The following MYRIP variants were observed in gnomAD, a reference collection of about 807,000 sequenced individuals.
MYRIP encodes the protein rab effector MyRIP.
MYRIP carries 49 observed loss-of-function variants against 98.0 expected under a neutral mutation model. The observed-to-expected ratio is 0.50, with a 90% CI of 0.40 to 0.63. The LOEUF is 0.63. MYRIP is among the 30% of genes least tolerant of loss of function. The probability of loss-of-function intolerance (pLI) is 0.00; values close to 1 mark genes in which losing one functional copy is unlikely to be tolerated. For synonymous variants in MYRIP, 404 were observed against 409.5 expected, an observed-to-expected ratio of 0.99 and a Z score of 0.16; for missense variants, 1,004 against 1,058.2, an observed-to-expected ratio of 0.95 and a Z score of 0.71.
chr3:39,824,570 C>A (rs1316244869), intron 1 of MYRIP, among the ~76,000 whole-genome samples: 1 of 151,278 alleles, frequency 6.6e-6, no homozygotes, highest in African/African-American at 2.4e-5. Flanking sequence ...GGTTTTTCAC[C>A]TCCTTGGTTA....
chr3:39,988,556 TG>T (rs1946094192), intron 2 of MYRIP, among the ~76,000 whole-genome samples: 1 of 152,172 alleles, frequency 6.6e-6, no homozygotes, highest in Non-Finnish European at 1.5e-5. Flanking sequence ...AATGTTGCCC[TG>T]TCTTGCTAGG....
chr3:40,151,997 A>G (rs1950133645), intron 4 of MYRIP, among the ~76,000 whole-genome samples: 1 of 152,214 alleles, frequency 6.6e-6, no homozygotes, highest in South Asian at 2.1e-4. Context: ...ATCTAAAAAT[A>G]TGTCAGCCAC....
chr3:39,964,714 A>G (rs1945399780), intron 2 of MYRIP, among the ~76,000 whole-genome samples: 2 of 152,174 alleles, frequency 1.3e-5, no homozygotes, highest in Admixed American at 1.3e-4. Context: ...CAAAATTGTC[A>G]TGAACCTTTG....
At chr3:39,954,976 A>G (rs1331108691) in intron 2 of MYRIP, among the ~76,000 whole-genome samples, 2 of 152,170 alleles carry the variant, frequency 1.3e-5, no homozygotes, top group Non-Finnish European at 2.9e-5. Context: ...TTTAGAAAAA[A>G]AAAGAGAGAA....
At chr3:40,181,595 A>C (rs1175234973) in intron 8 of MYRIP, among the ~76,000 whole-genome samples, 1 of 152,186 alleles carries the variant, frequency 6.6e-6, no homozygotes, top group East Asian at 1.9e-4. Context: ...ATGGCAAAGA[A>C]AAACTTTAGT....
At chr3:40,010,644 T>C (rs547437822) in intron 2 of MYRIP, among the ~76,000 whole-genome samples, 40 of 152,306 alleles carry the variant, frequency 2.6e-4, no homozygotes, top group African/African-American at 9.4e-4. Flanking sequence ...CAGGTGCATT[T>C]AGAATGTTTC....
At chr3:40,136,411 T>G (rs1204284382) in intron 3 of MYRIP, among the ~76,000 whole-genome samples, 1 of 152,140 alleles carries the variant, frequency 6.6e-6, no homozygotes, top group Non-Finnish European at 1.5e-5. Flanking sequence ...ACAAAGAGAC[T>G]TAGACTCCCA....
In MYRIP at chr3:40,190,350, C is replaced by A; in HGVS notation, c.1552C>A (p.His518Asn). The A allele has an allele frequency of 6.8e-6, 11 of 1,613,964 alleles. No homozygotes were observed. The highest frequency in any genetic ancestry group is 9.3e-6 in the Non-Finnish European group (11 of 1,179,944). The change falls in exon 10 of 17, where the codon CAC becomes AAC. Residue 518 changes from histidine (H) to asparagine (N), a missense_variant. His to Asn is a moderately conservative substitution (Grantham distance 68). This residue lies in a region of MYRIP where 880 missense variants were observed against 907.7 expected (regional missense o/e 0.97). Coordinates refer to ENST00000302541, the MANE Select transcript of MYRIP (RefSeq NM_015460.4). ...SDSSEPEEAP[H>N]TTDRRARRWR... is the part of the protein sequence containing the mutation. ...CAGCAGCGAGCCGGAGGAGGCCCCC[C>A]ACACCACAGACCGGCGGGCCAGGAG...
chr3:39,911,590 T>G (rs1262962022), intron 2 of MYRIP, among the ~76,000 whole-genome samples: 1 of 152,200 alleles, frequency 6.6e-6, no homozygotes, highest in African/African-American at 2.4e-5. Context: ...TACATGTGCA[T>G]AGAATTCAGG....
chr3:39,823,280 C>G (rs1941168552), intron 1 of MYRIP, among the ~76,000 whole-genome samples: 1 of 152,138 alleles, frequency 6.6e-6, no homozygotes, highest in African/African-American at 2.4e-5. Flanking sequence ...TCCCAAAGTG[C>G]TGGGATTACA....
At chr3:40,025,954 T>G (rs898671030) in intron 2 of MYRIP, among the ~76,000 whole-genome samples, 1 of 152,158 alleles carries the variant, frequency 6.6e-6, no homozygotes, top group Non-Finnish European at 1.5e-5. Flanking sequence ...ACGTATTGTC[T>G]TGATAAACAC....
Position 39,987,657 on chromosome 3 carries a change from G to A in MYRIP, c.111-56393G>A, listed in dbSNP as rs139788878. Among the ~76,000 whole-genome samples the A allele has an allele frequency of 9.1e-3, 1,386 of 152,232 alleles. 48 individuals are homozygous for A. The highest frequency in any genetic ancestry group is 0.068 in the Admixed American group (1,045 of 15,284). On this transcript the variant is annotated intron_variant, in intron 2 of 16. Transcript: ENST00000302541. ...AGCATTCCTATTTATCCACAGCCTT[G>A]CCAGCATCTATTGTTTCTTGACTTG...
At chr3:39,919,002 C>G (rs1439735327) in intron 2 of MYRIP, among the ~76,000 whole-genome samples, 1 of 152,226 alleles carries the variant, frequency 6.6e-6, no homozygotes, top group Non-Finnish European at 1.5e-5. Flanking sequence ...AATGCAGATT[C>G]TCTCTACAGA....
chr3:40,171,525 G>C (rs1263950037), intron 8 of MYRIP, among the ~76,000 whole-genome samples: 2 of 152,194 alleles, frequency 1.3e-5, no homozygotes, highest in Non-Finnish European at 2.9e-5. Flanking sequence ...GTCTTGGGGA[G>C]ATCCAGAAAG....
chr3:40,239,260 G>T (rs1341939874), intron 12 of MYRIP, among the ~76,000 whole-genome samples: 1 of 150,720 alleles, frequency 6.6e-6, no homozygotes, highest in African/African-American at 2.5e-5. Context: ...TGGCTGCATA[G>T]TATTCCATGG....
intron 3 of MYRIP, among the ~76,000 whole-genome samples, chr3:40,080,791 C>CTTTTTTTTTTTTTTT (rs34610302): frequency 1.1e-5 from 1 of 93,840 alleles, no homozygotes; most frequent in African/African-American, 4.4e-5. Flanking sequence ...ATCCTAACTT[C>CTTTTTTTTTTTTTTT]TTTTTTTTTT....
chr3:39,959,004 A>G (rs376892012), intron 2 of MYRIP, among the ~76,000 whole-genome samples: 13,169 of 150,592 alleles, frequency 0.087, 645 homozygotes, highest in African/African-American at 0.22. Context: ...TTAGAATGGC[A>G]ATCATTAAAA....
chr3:40,007,979 A>T (rs905752347), intron 2 of MYRIP, among the ~76,000 whole-genome samples: 1 of 152,226 alleles, frequency 6.6e-6, no homozygotes, highest in Non-Finnish European at 1.5e-5. Flanking sequence ...TTCTACCCAC[A>T]TATCTGGGTA....
At chr3:40,232,421 T>C (rs1346882196) in intron 11 of MYRIP, among the ~76,000 whole-genome samples, 5 of 152,232 alleles carry the variant, frequency 3.3e-5, no homozygotes, top group African/African-American at 4.8e-5. Flanking sequence ...AAACCTTCTC[T>C]AGTGAGACAA....
Sources: allele counts gnomAD v4.1 joint callset (sites outside exome capture counted in the v4.1 genomes callset), GRCh38; gene constraint gnomAD v4.1.1; regional missense constraint gnomAD v4.1.1; transcripts MANE v1.5; gene names NCBI Gene and HGNC (gene_info 2026-07-23, HGNC 2026-07-21).